UBE2U: variants seen among roughly 807,000 people sequenced by gnomAD.
UBE2U encodes the protein ubiquitin conjugating enzyme E2 U, also known as ubiquitin-conjugating enzyme E2 U.
A neutral mutation model predicts 41.2 loss-of-function variants in UBE2U; 39 were observed. The ratio of observed to expected loss-of-function variants is 0.95; its 90% CI spans 0.73 to 1.24. The LOEUF is 1.24. UBE2U is among the 50% of genes most tolerant of loss of function. The pLI is 0.00. For synonymous variants in UBE2U, 107 were observed against 117.8 expected, an observed-to-expected ratio of 0.91 and a Z score of 0.60; for missense variants, 336 against 363.1, an observed-to-expected ratio of 0.93 and a Z score of 0.61.
chr1:64,212,753 C>T (rs1651737278), intron 4 of UBE2U, among the ~76,000 whole-genome samples: 2 of 152,186 alleles, frequency 1.3e-5, no homozygotes, highest in South Asian at 2.1e-4. Flanking sequence ...CACATCATGT[C>T]GGTCCTCAAA....
chr1:64,250,326 G>T (rs956843937), intron 8 of UBE2U, among the ~76,000 whole-genome samples: 4 of 152,060 alleles, frequency 2.6e-5, no homozygotes, highest in African/African-American at 9.7e-5. Context: ...TCTAATAAAG[G>T]AATTTATAGT....
intron 8 of UBE2U, 57 bp downstream of exon 8, chr1:64,241,790 A>G: frequency 3.1e-6 from 4 of 1,311,278 alleles, no homozygotes; most frequent in Non-Finnish European, 4.3e-6. Context: ...CTATTATTCC[A>G]CTTTCTACTA....
intron 8 of UBE2U, among the ~76,000 whole-genome samples, chr1:64,242,515 T>C (rs1317978870): frequency 6.6e-6 from 1 of 152,198 alleles, no homozygotes; most frequent in East Asian, 1.9e-4. Context: ...AGTGCCCTCT[T>C]TTCTAGATGG....
intron 7 of UBE2U, among the ~76,000 whole-genome samples, chr1:64,239,102 G>GAAGAAGAAGAAGAAGGAAGA (rs1557729758): frequency 2.8e-4 from 2 of 7,190 alleles, no homozygotes; most frequent in African/African-American, 1.6e-3. Flanking sequence ...GGAAGAAGAA[G>GAAGAAGAAGAAGAAGGAAGA]AAGAAGAAGA....
At chr1:64,222,577 A>G (rs187399269) in intron 6 of UBE2U, among the ~76,000 whole-genome samples, 3 of 152,360 alleles carry the variant, frequency 2.0e-5, no homozygotes, top group Non-Finnish European at 4.4e-5. Context: ...AATGCAGTCT[A>G]GATTTCAATG....
intron 8 of UBE2U, among the ~76,000 whole-genome samples, chr1:64,256,019 A>G (rs959970822): frequency 4.6e-5 from 7 of 152,178 alleles, no homozygotes; most frequent in African/African-American, 1.7e-4. Flanking sequence ...ACTCCCATTC[A>G]CAATTGCTAC....
intron 6 of UBE2U, among the ~76,000 whole-genome samples, chr1:64,225,829 CATT>C (rs1266462879): frequency 6.6e-6 from 1 of 152,202 alleles, no homozygotes; most frequent in Non-Finnish European, 1.5e-5. Flanking sequence ...AAGAAGACAT[CATT>C]GACTCAAATT....
chr1:64,233,133 G>A (rs1310104173), intron 7 of UBE2U, among the ~76,000 whole-genome samples: 5 of 151,366 alleles, frequency 3.3e-5, no homozygotes, highest in South Asian at 2.1e-4. Context: ...TCAGCCTCTC[G>A]AGTAGCTGGG....
At chr1:64,265,609 C>T (rs1206744103) in intron 9 of UBE2U, among the ~76,000 whole-genome samples, 1 of 152,172 alleles carries the variant, frequency 6.6e-6, no homozygotes, top group Non-Finnish European at 1.5e-5. Flanking sequence ...GAGGGAGTCT[C>T]ACTCTGTCAC....
intron 8 of UBE2U, chr1:64,244,369 T>G (rs758280106): frequency 5.5e-5 from 39 of 707,724 alleles, no homozygotes; most frequent in Non-Finnish European, 6.5e-5. Flanking sequence ...GTTACATATA[T>G]AAAATAAAAA....
intron 3 of UBE2U, among the ~76,000 whole-genome samples, chr1:64,207,905 A>G (rs1651402187): frequency 6.6e-6 from 1 of 152,222 alleles, no homozygotes; most frequent in Non-Finnish European, 1.5e-5. Context: ...TTTGCAATGC[A>G]TGTAACAGAA....
chr1:64,249,652 G>A (rs956413371), intron 8 of UBE2U, among the ~76,000 whole-genome samples: 1 of 151,470 alleles, frequency 6.6e-6, no homozygotes, highest in Non-Finnish European at 1.5e-5. Flanking sequence ...ATACTTAATG[G>A]GAAGAACAGC....
intron 9 of UBE2U, among the ~76,000 whole-genome samples, chr1:64,264,095 T>C (rs1409516642): frequency 1.5e-4 from 23 of 152,346 alleles, no homozygotes; most frequent in African/African-American, 5.5e-4. Flanking sequence ...ACTCTTGTAT[T>C]ACTTGTAGTG....
chr1:64,252,415 A>G (rs1645026007), intron 8 of UBE2U, among the ~76,000 whole-genome samples: 1 of 152,204 alleles, frequency 6.6e-6, no homozygotes, highest in Admixed American at 6.5e-5. Flanking sequence ...GATGGCTTCT[A>G]TAAGTGGGTC....
At chr1:64,222,473 A>T (rs1285348560) in intron 6 of UBE2U, among the ~76,000 whole-genome samples, 3 of 152,318 alleles carry the variant, frequency 2.0e-5, no homozygotes, top group South Asian at 2.1e-4. Context: ...CAAACCAAGG[A>T]TAAATGATGC....
chr1:64,234,480 A>AGT (rs1209799486), intron 7 of UBE2U, among the ~76,000 whole-genome samples: 1 of 152,196 alleles, frequency 6.6e-6, no homozygotes, highest in Admixed American at 6.5e-5. Context: ...AGTTTCCTAT[A>AGT]GTGAAAAATA....
chr1:64,205,520 T>G (rs896296686), intron 1 of UBE2U, 119 bp from the exon 2 acceptor site: 26 of 793,046 alleles, frequency 3.3e-5, no homozygotes, highest in Non-Finnish European at 4.8e-5. Context: ...ATAAATAAAC[T>G]TATCAAGGAA....
rs1313983256 is a variant in UBE2U at position 64,203,673 on chromosome 1, G to A, written c.-378G>A. On this transcript the variant is annotated 5_prime_UTR_variant, in exon 1 of 10. Transcript: ENST00000371077. Reference sequence around the variant, plus strand: ...GGCTGCGGGGTTGCACCTGTGAAGCGAAGACAACCTGCTAGGACCCTGATA... The same window carrying A: ...GGCTGCGGGGTTGCACCTGTGAAGCAAAGACAACCTGCTAGGACCCTGATA... The A allele has an allele frequency of 5.9e-6, 1 of 170,638 alleles. No individual in the cohort carries two copies. Among genetic ancestry groups the A allele is most frequent in the Non-Finnish European group, 1.2e-5 (1 of 80,568 alleles). The allele number at this position is 170,638 out of a possible 1,614,324, so 10.6% of individuals were successfully genotyped here.
rs1464963875 is a variant in UBE2U at position 64,220,887 on chromosome 1, A to C, written c.486A>C (p.Lys162Asn). 1.2e-6 allele frequency: 2 copies of C among 1,606,646 alleles called. No individual in the cohort carries two copies. The highest frequency in any genetic ancestry group is 1.7e-6 in the Non-Finnish European group (2 of 1,177,726). The change falls in exon 6 of 10, where the codon AAA becomes AAC. Residue 162 changes from lysine (K) to asparagine (N), a missense_variant. Coordinates refer to ENST00000371077, the MANE Select transcript of UBE2U (RefSeq NM_001366232.2). ...QMKDDSQELP[K>N]DPRKCIRPIK... ...AAGATGACAGCCAGGAGTTACCTAA[A>C]GACCCACGTAAATGTATCAGGTAAG...
Sources: allele counts gnomAD v4.1 joint callset (sites outside exome capture counted in the v4.1 genomes callset), GRCh38; gene constraint gnomAD v4.1.1; transcripts MANE v1.5; gene names NCBI Gene and HGNC (gene_info 2026-07-23, HGNC 2026-07-21).